HERC2: variants seen among roughly 807,000 people sequenced by gnomAD.
HERC2 encodes the protein HECT and RLD domain containing E3 ubiquitin protein ligase 2, also known as E3 ubiquitin-protein ligase HERC2.
HERC2 carries 102 observed loss-of-function variants against 537.7 expected under a neutral mutation model. The observed-to-expected ratio is 0.19, with a 90% CI of 0.16 to 0.22. The LOEUF (loss-of-function observed/expected upper bound fraction) is 0.22. Among genes scored for constraint, HERC2 ranks in the 10% least tolerant of loss-of-function variants. The pLI is 1.00. For synonymous variants in HERC2, 2,224 were observed against 2,466.2 expected (o/e 0.90, Z 2.91); for missense variants, 4,236 against 6,198.2 (o/e 0.68, Z 10.63).
intron 3 of HERC2, among the ~76,000 whole-genome samples, chr15:28,294,693 C>T (rs1410436256): frequency 6.6e-6 from 1 of 151,922 alleles, no homozygotes; most frequent in Non-Finnish European, 1.5e-5. Flanking sequence ...GTCACCTCAC[C>T]CTGTTCTTAC....
chr15:28,321,115 A>C (rs2077216617), intron 2 of HERC2, among the ~76,000 whole-genome samples: 2 of 152,160 alleles, frequency 1.3e-5, no homozygotes, highest in African/African-American at 2.4e-5. Flanking sequence ...AATAGGAAAA[A>C]AATTTTGCCT....
In HERC2 at chr15:28,229,180, C is replaced by G. The variant is rs757293165; in HGVS notation, c.5272+15G>C. 8 of 1,603,642 alleles carry G rather than the reference C, an allele frequency of 5.0e-6. No homozygotes were observed. The Middle Eastern group carries it at 8.8e-4, about 177-fold the overall frequency. On this transcript the variant is annotated intron_variant, in intron 34 of 92. Transcript: ENST00000261609. ...GGCAAACTATAAAATAACATTGATA[C>G]AATTATTGACTCACCAAGCTCTTTA...
intron 56 of HERC2, among the ~76,000 whole-genome samples, chr15:28,185,126 CTACACAAA>C (rs1896180327): frequency 6.6e-6 from 1 of 151,384 alleles, no homozygotes; most frequent in Admixed American, 6.6e-5. Flanking sequence ...TTTTCAACTT[CTACACAAA>C]GTTTCTGAAA....
intron 64 of HERC2, among the ~76,000 whole-genome samples, chr15:28,174,827 G>A (rs1447159644): frequency 6.6e-6 from 1 of 152,074 alleles, no homozygotes; most frequent in Non-Finnish European, 1.5e-5. Context: ...GAAAATGCTT[G>A]CTAATACCTA....
rs562528272 is a variant in HERC2, at chr15:28,215,283, T to C, written c.6210+338A>G. ...TCAAGTTGATTAGTGATTAGGATTGTCAGGAACTTTAAAAAAAGCAACATT... is the reference window on the plus strand; with the variant it reads ...TCAAGTTGATTAGTGATTAGGATTGCCAGGAACTTTAAAAAAAGCAACATT... On this transcript the variant is annotated intron_variant, in intron 39 of 92. Coordinates refer to ENST00000261609, the MANE Select transcript of HERC2 (RefSeq NM_004667.6). Among the ~76,000 whole-genome samples, 3 of 152,312 alleles carry C rather than the reference T, an allele frequency of 2.0e-5. No individual in the cohort carries two copies. The South Asian group carries it at 6.2e-4, about 32-fold the overall frequency.
At chr15:28,208,031 T>A (rs184786339) in intron 44 of HERC2, among the ~76,000 whole-genome samples, 237 of 152,338 alleles carry the variant, frequency 1.6e-3, no homozygotes, top group African/African-American at 5.4e-3. Context: ...CACTGCTCAT[T>A]GGGCTGAGTG....
In HERC2 at chr15:28,274,419, C is replaced by T; in HGVS notation, c.672G>A (p.Leu224=). The change falls in exon 7 of 93, where the codon CTG becomes CTA. Residue 224 remains leucine, a synonymous_variant. Coordinates refer to ENST00000261609, the MANE Select transcript of HERC2 (RefSeq NM_004667.6). The part of the protein sequence containing the change: ...SGEDADLCSE[L]LQESLDALRA... ...GCAGGGCGTCCAGGGACTCCTGCAA[C>T]AGCTCACTGCAGAGGTCCGCATCCT... is the stretch of plus-strand genomic sequence containing the variant. 1 of 1,613,086 alleles carries T rather than the reference C, an allele frequency of 6.2e-7. No homozygotes were observed. The highest frequency in any genetic ancestry group is 1.3e-5 in the African/African-American group (1 of 75,030).
chr15:28,128,290 A>T (rs190520435), intron 83 of HERC2, among the ~76,000 whole-genome samples: 217 of 152,150 alleles, frequency 1.4e-3, no homozygotes, highest in African/African-American at 5.1e-3. Flanking sequence ...GGGGTGGGGG[A>T]GTGTGAACTG....
chr15:28,214,903 C>CAAAAAA, intron 39 of HERC2, 101 bp from the exon 40 acceptor site: 2 of 984,356 alleles, frequency 2.0e-6, no homozygotes, highest in Non-Finnish European at 1.5e-6. Flanking sequence ...GACAGAGTCT[C>CAAAAAA]ACACTGTCAC....
chr15:28,154,874 T>C (rs1222453518), intron 69 of HERC2, among the ~76,000 whole-genome samples: 3 of 151,674 alleles, frequency 2.0e-5, no homozygotes, highest in Non-Finnish European at 4.4e-5. Flanking sequence ...CATTAACTCA[T>C]CATTTACATT....
chr15:28,280,817 C>T (rs549055084), intron 4 of HERC2, among the ~76,000 whole-genome samples: 5 of 151,878 alleles, frequency 3.3e-5, no homozygotes, highest in South Asian at 4.2e-4. Context: ...GGCTGAGGCA[C>T]GAGAATTGCC....
At chr15:28,150,549 A>G (rs1455048307) in intron 70 of HERC2, among the ~76,000 whole-genome samples, 2 of 145,990 alleles carry the variant, frequency 1.4e-5, no homozygotes, top group African/African-American at 5.1e-5. Context: ...TAGTGAAATC[A>G]CCGAAAAAAA....
At chr15:28,147,788 C>A (rs1425907283) in intron 70 of HERC2, among the ~76,000 whole-genome samples, 1 of 152,088 alleles carries the variant, frequency 6.6e-6, no homozygotes, top group Non-Finnish European at 1.5e-5. Flanking sequence ...ACGATCTCAA[C>A]ACTTTGGGAG....
rs765913852 is a variant in HERC2, at chr15:28,176,675, C to T, written c.9514+12G>A. ...ACCCACCCAGAAGCACAGAATCCTG[C>T]CAGCCACTCACCTTCATCGGTCAGA... On this transcript the variant is annotated intron_variant, in intron 62 of 92. Coordinates refer to ENST00000261609, the MANE Select transcript of HERC2 (RefSeq NM_004667.6). The surrounding 1 kb of genome is among the most constrained non-coding windows in gnomAD (Gnocchi z 5.0). 6.2e-7 allele frequency: 1 copy of T among 1,614,018 alleles called. No homozygotes were observed. Among genetic ancestry groups the T allele is most frequent in the African/African-American group, 1.3e-5 (1 of 75,012 alleles).
rs1022036764 is a variant in HERC2 at position 28,111,382 on chromosome 15, G to A, written c.*381C>T. 4 of 215,686 alleles carry A rather than the reference G, an allele frequency of 1.9e-5. No individual in the cohort carries two copies. Among genetic ancestry groups the A allele is most frequent in the East Asian group, 1.1e-4 (1 of 9,112 alleles). The allele number at this position is 215,686 out of a possible 1,614,324, so 13.4% of individuals were successfully genotyped here. ...GTTATTTCCAATATACAATCAAGAC[G>A]ACTCACGACACTTGAAAGAAAGGAG... On this transcript the variant is annotated 3_prime_UTR_variant, in exon 93 of 93. Coordinates refer to ENST00000261609, the MANE Select transcript of HERC2 (RefSeq NM_004667.6).
rs1468855114 is a variant in HERC2, at chr15:28,293,076, T to C, written c.188-54A>G. The C allele has an allele frequency of 2.0e-5, 31 of 1,535,758 alleles. No homozygotes were observed. In the Admixed American group the frequency reaches 6.2e-4, roughly 31 times the overall value. ...CACCGCTTTTCAGAATGCCATACCA[T>C]TAGTCTCTGCAAATGTCCCTCCCCG... On this transcript the variant is annotated intron_variant, in intron 3 of 92. Transcript: ENST00000261609.
chr15:28,248,486 G>A (rs997081428), intron 21 of HERC2, 66 bp downstream of exon 21: 38 of 1,250,456 alleles, frequency 3.0e-5, no homozygotes, highest in African/African-American at 7.5e-5. Flanking sequence ...GGATGGACAC[G>A]TCGAAAAGCC....
intron 2 of HERC2, among the ~76,000 whole-genome samples, chr15:28,306,127 G>C (rs1596452206): frequency 6.6e-6 from 1 of 152,316 alleles, no homozygotes; most frequent in East Asian, 1.9e-4. Flanking sequence ...TGGTGACAGT[G>C]GGCATCCGTG....
intron 52 of HERC2, among the ~76,000 whole-genome samples, chr15:28,192,688 G>A (rs543958360): frequency 6.6e-6 from 1 of 152,328 alleles, no homozygotes; most frequent in Admixed American, 6.5e-5. Context: ...GCGAATGGAG[G>A]TGTCAAGATG....
Sources: gnomAD v4.1 joint callset for allele counts (sites outside exome capture counted in the v4.1 genomes callset) on GRCh38, gnomAD v4.1.1 for gene constraint, Gnocchi (gnomAD v3.1) non-coding constraint, MANE v1.5 for transcripts, NCBI Gene and HGNC (gene_info 2026-07-23, HGNC 2026-07-21) for gene names.